Variants in PTPRD observed in about 807,000 individuals in gnomAD.
PTPRD encodes receptor-type tyrosine-protein phosphatase delta.
PTPRD carries 34 observed loss-of-function variants against 214.5 expected under a neutral mutation model. The observed-to-expected ratio is 0.16, with a 90% CI of 0.12 to 0.21. The LOEUF (loss-of-function observed/expected upper bound fraction) is 0.21, where lower values mean the gene tolerates loss of function less well. PTPRD is among the 10% of genes least tolerant of loss of function. The pLI, the probability that PTPRD is intolerant of heterozygous loss-of-function variation, is 1.00. For synonymous variants in PTPRD, 1,128 were observed against 845.7 expected (o/e 1.33, Z -5.79); for missense variants, 2,545 against 2,398.7 (o/e 1.06, Z -1.27).
rs150820006 is a variant in PTPRD, at chr9:9,472,131, C to T, written c.-236-74649G>A. Among the ~76,000 whole-genome samples, 7 of 150,728 alleles carry T rather than the reference C, an allele frequency of 4.6e-5. No individual in the cohort carries two copies. The East Asian group carries it at 1.4e-3, about 30-fold the overall frequency. ...CCTTATCATTTTAATTACAAAAGGACGTGTCTCATTTACAAGTTAAATAAT... is the reference window on the plus strand; with the variant it reads ...CCTTATCATTTTAATTACAAAAGGATGTGTCTCATTTACAAGTTAAATAAT... On this transcript the variant is annotated intron_variant, in intron 8 of 45. Coordinates refer to ENST00000381196, the MANE Select transcript of PTPRD (RefSeq NM_002839.4).
At chr9:8,818,021 C>T (rs1600767474) in intron 11 of PTPRD, among the ~76,000 whole-genome samples, 1 of 152,110 alleles carries the variant, frequency 6.6e-6, no homozygotes, top group African/African-American at 2.4e-5. Context: ...TAACTCACGG[C>T]TTAGTGGGAA....
At chr9:8,883,685 C>T (rs1289897092) in intron 11 of PTPRD, among the ~76,000 whole-genome samples, 4 of 152,194 alleles carry the variant, frequency 2.6e-5, no homozygotes, top group Non-Finnish European at 5.9e-5. Flanking sequence ...CCCTGTGCTT[C>T]TGAAGAGACC....
intron 12 of PTPRD, among the ~76,000 whole-genome samples, chr9:8,645,915 T>C (rs1013781071): frequency 6.6e-6 from 1 of 152,048 alleles, no homozygotes; most frequent in Non-Finnish European, 1.5e-5. Context: ...CAGCCTCCTC[T>C]TCTGCCTTCT....
chr9:10,452,792 G>T (rs112150178), intron 2 of PTPRD, among the ~76,000 whole-genome samples: 1,804 of 151,740 alleles, frequency 0.012, 31 homozygotes, highest in African/African-American at 0.039. Flanking sequence ...TTTCATCTAT[G>T]AGTTGTTTCC....
At chr9:9,009,605 G>C (rs2099499499) in intron 11 of PTPRD, among the ~76,000 whole-genome samples, 1 of 151,782 alleles carries the variant, frequency 6.6e-6, no homozygotes, top group South Asian at 2.1e-4. Context: ...AAATTTTTAT[G>C]AGTGCTTAGA....
chr9:8,627,082 C>G (rs919687635), intron 14 of PTPRD, among the ~76,000 whole-genome samples: 1 of 151,682 alleles, frequency 6.6e-6, no homozygotes, highest in African/African-American at 2.4e-5. Flanking sequence ...TTCTTCATGC[C>G]CCAACCCAGC....
chr9:8,383,466 G>A (rs2085849210), intron 37 of PTPRD, among the ~76,000 whole-genome samples: 2 of 152,098 alleles, frequency 1.3e-5, no homozygotes, highest in Admixed American at 1.3e-4. Context: ...ATTTAGTAGG[G>A]CAGGAATTTT....
In PTPRD at chr9:8,748,774, G is replaced by A. The variant is rs539940162; in HGVS notation, c.-103-14828C>T. 2.6e-5 allele frequency among the ~76,000 whole-genome samples: 4 copies of A among 152,214 alleles called. No homozygotes were observed. In the East Asian group the frequency reaches 5.8e-4, roughly 22 times the overall value. On this transcript the variant is annotated intron_variant, in intron 11 of 45. Transcript: ENST00000381196. ...TAAAAATACAAGATTAGCCAGGCATGGTGGCGCATGCCTGTAATCCCAGCT... is the reference window on the plus strand; with the variant it reads ...TAAAAATACAAGATTAGCCAGGCATAGTGGCGCATGCCTGTAATCCCAGCT...
chr9:8,699,050 C>T (rs1370601426), intron 12 of PTPRD, among the ~76,000 whole-genome samples: 3 of 152,112 alleles, frequency 2.0e-5, no homozygotes, highest in Non-Finnish European at 4.4e-5. Context: ...ATTTCTCATA[C>T]CCTACCAGAA....
intron 39 of PTPRD, among the ~76,000 whole-genome samples, chr9:8,369,370 A>G (rs1446169959): frequency 1.3e-5 from 2 of 152,134 alleles, no homozygotes; most frequent in Middle Eastern, 3.4e-3. Flanking sequence ...TATGGCCTAC[A>G]TAGTTTCCTG....
chr9:9,404,909 C>G (rs1281349310), intron 8 of PTPRD, among the ~76,000 whole-genome samples: 1 of 152,074 alleles, frequency 6.6e-6, no homozygotes, highest in Non-Finnish European at 1.5e-5. Context: ...TTCCAAGTCC[C>G]TACTTTATGC....
rs143771902 is a variant in PTPRD at position 9,801,975 on chromosome 9, T to G, written c.-367-35124A>C. On this transcript the variant is annotated intron_variant, in intron 5 of 45. Transcript: ENST00000381196. ...AGAATGGAGTCAGCTTGGATAATTT[T>G]CAAAATTCAAGGATATATGGCAAGT... Among the ~76,000 whole-genome samples, 184 of 152,222 alleles carry G rather than the reference T, an allele frequency of 1.2e-3. 1 individual carries two copies. Among genetic ancestry groups the G allele is most frequent in the Non-Finnish European group, 1.3e-3 (89 of 67,948 alleles).
At chr9:10,180,725 T>C (rs953812816) in intron 3 of PTPRD, among the ~76,000 whole-genome samples, 1 of 151,884 alleles carries the variant, frequency 6.6e-6, no homozygotes, top group Non-Finnish European at 1.5e-5. Flanking sequence ...CATAATGATG[T>C]ATGATTTATC....
chr9:9,381,874 G>A, intron 9 of PTPRD, among the ~76,000 whole-genome samples: 1 of 149,492 alleles, frequency 6.7e-6, no homozygotes, highest in African/African-American at 2.5e-5. Context: ...GTGGTTCCAT[G>A]TGAAATTTAG....
intron 3 of PTPRD, among the ~76,000 whole-genome samples, chr9:10,160,066 G>A (rs557800374): frequency 2.7e-4 from 41 of 151,964 alleles, no homozygotes; most frequent in African/African-American, 8.9e-4. Context: ...AAAGAAACAA[G>A]ATCTAAATAT....
At chr9:9,818,237 T>C (rs1598668362) in intron 5 of PTPRD, among the ~76,000 whole-genome samples, 2 of 152,160 alleles carry the variant, frequency 1.3e-5, no homozygotes, top group Non-Finnish European at 2.9e-5. Flanking sequence ...ATCTCCAAAA[T>C]TGCAGTAATG....
intron 8 of PTPRD, among the ~76,000 whole-genome samples, chr9:9,411,738 C>T (rs12351726): frequency 5.3e-5 from 8 of 152,234 alleles, no homozygotes; most frequent in Admixed American, 1.3e-4. Flanking sequence ...GAGAGCATTT[C>T]TCTTAATGTT....
intron 8 of PTPRD, among the ~76,000 whole-genome samples, chr9:9,474,392 T>C (rs1312941444): frequency 6.6e-6 from 1 of 152,102 alleles, no homozygotes; most frequent in Non-Finnish European, 1.5e-5. Context: ...TCCAGCTTTA[T>C]TCTTTTTACA....
intron 3 of PTPRD, among the ~76,000 whole-genome samples, chr9:10,192,763 G>C (rs1208994413): frequency 6.6e-6 from 1 of 152,098 alleles, no homozygotes; most frequent in African/African-American, 2.4e-5. Flanking sequence ...CACTTTCTAT[G>C]GATCTCAGTA....
Sources: gnomAD v4.1 joint callset for allele counts (sites outside exome capture counted in the v4.1 genomes callset) on GRCh38, gnomAD v4.1.1 for gene constraint, MANE v1.5 for transcripts, NCBI Gene and HGNC (gene_info 2026-07-23, HGNC 2026-07-21) for gene names.